Variants in PARP14 observed in about 807,000 individuals in gnomAD.
The protein encoded by PARP14 is poly(ADP-ribose) polymerase family member 14.
A neutral mutation model predicts 154.2 loss-of-function variants in PARP14; 59 were observed. The ratio of observed to expected loss-of-function variants is 0.38; its 90% CI spans 0.31 to 0.48. The LOEUF (loss-of-function observed/expected upper bound fraction) is 0.48, where lower values mean the gene tolerates loss of function less well. PARP14 is among the 20% of genes least tolerant of loss of function. PARP14 has a pLI of 0.98. For missense variants in PARP14, 1,734 were observed against 2,131.6 expected (o/e 0.81, Z 3.67); for synonymous variants, 720 against 780.5 (o/e 0.92, Z 1.29).
At chr3:122,684,355 G>A (rs1266944382) in intron 1 of PARP14, among the ~76,000 whole-genome samples, 1 of 152,190 alleles carries the variant, frequency 6.6e-6, no homozygotes, top group Admixed American at 6.5e-5. Flanking sequence ...GAGATATGCT[G>A]ATTTTCTTCA....
chr3:122,724,235 G>C (rs1933228182), intron 15 of PARP14, among the ~76,000 whole-genome samples: 2 of 152,062 alleles, frequency 1.3e-5, no homozygotes, highest in Non-Finnish European at 2.9e-5. Context: ...CTGCTATTGA[G>C]GTGTTGCTGT....
rs1478310104 is a variant in PARP14 at position 122,708,231 on chromosome 3, C to T, written c.3582C>T (p.Leu1194=). Reference sequence around the variant, plus strand: ...TTGCCAGAAGGGCTAATGGAAATCTCGTCAGTGACAAAATTCCGAAGGCTA... The same window carrying T: ...TTGCCAGAAGGGCTAATGGAAATCTTGTCAGTGACAAAATTCCGAAGGCTA... ...DEFARRANGN[L]VSDKIPKAKD... Residue 1194 remains leucine (L), a synonymous_variant, in exon 9 of 17, where the codon CTC becomes CTT. Transcript: ENST00000474629. 1.7e-5 allele frequency: 26 copies of T among 1,575,362 alleles called. No individual in the cohort carries two copies. Among genetic ancestry groups the T allele is most frequent in the Non-Finnish European group, 2.2e-5 (25 of 1,158,060 alleles).
At chr3:122,720,909 C>T (rs1933150991) in intron 15 of PARP14, 1 of 455,614 alleles carries the variant, frequency 2.2e-6, no homozygotes, top group Non-Finnish European at 4.4e-6. Context: ...GAGTTTGACG[C>T]CAGTCTGGGT....
chr3:122,698,306 T>G (rs1051460900), intron 5 of PARP14, among the ~76,000 whole-genome samples: 4 of 152,250 alleles, frequency 2.6e-5, no homozygotes, highest in Non-Finnish European at 5.9e-5. Context: ...ACCCAAGTTG[T>G]TATTGGAGCA....
In PARP14 at chr3:122,700,671, T is replaced by C. The variant is rs1242184371; in HGVS notation, c.2117T>C (p.Phe706Ser). The change falls in exon 6 of 17, where the codon TTC becomes TCC. Residue 706 changes from phenylalanine (F) to serine (S), a missense_variant. Physicochemically the swap from Phe to Ser is radical, Grantham distance 155. Transcript: ENST00000474629. Reference protein sequence around the residue: ...KIKKVNVQVSFNPENKQKGIL... With the variant: ...KIKKVNVQVSSNPENKQKGIL... ...AAGAAGGTAAATGTGCAGGTAAGTTTCAATCCTGAGAACAAACAAAAAGGC... is the reference window on the plus strand; with the variant it reads ...AAGAAGGTAAATGTGCAGGTAAGTTCCAATCCTGAGAACAAACAAAAAGGC... 1 of 1,609,108 alleles carries C rather than the reference T, an allele frequency of 6.2e-7. No individual in the cohort carries two copies. Among genetic ancestry groups the C allele is most frequent in the Non-Finnish European group, 8.5e-7 (1 of 1,177,492 alleles).
chr3:122,693,514 GT>G (rs1350459039), intron 4 of PARP14, among the ~76,000 whole-genome samples: 1 of 152,120 alleles, frequency 6.6e-6, no homozygotes, highest in Non-Finnish European at 1.5e-5. Context: ...TATAGTTTTT[GT>G]AAAGATTGAA....
intron 9 of PARP14, among the ~76,000 whole-genome samples, chr3:122,709,843 T>C (rs1272522016): frequency 6.6e-6 from 1 of 152,164 alleles, no homozygotes; most frequent in East Asian, 1.9e-4. Context: ...TACCTTCTTT[T>C]GAGAAATGTC....
rs1576589575 is a variant in PARP14, at chr3:122,701,754, A to G, written c.3081+119A>G. On this transcript the variant is annotated intron_variant, in intron 6 of 16. Coordinates refer to ENST00000474629, the MANE Select transcript of PARP14 (RefSeq NM_017554.3). The surrounding 1 kb of genome is among the most constrained non-coding windows in gnomAD (Gnocchi z 4.0). ...GGTGAGAATCAAGGGAGAGAATCCC[A>G]TGCCTTCCACCCCTGCCTTGAAACA... The G allele has an allele frequency of 4.0e-6, 3 of 746,192 alleles. No individual in the cohort carries two copies. In the East Asian group the frequency reaches 8.2e-5, roughly 20 times the overall value. 46.2% of individuals were successfully genotyped at this position (746,192 alleles called of 1,614,324 possible).
rs1938223179 is a variant in PARP14, at chr3:122,681,974, G to A, written c.187+904G>A. Reference sequence around the variant, plus strand: ...CCGCTTTCATGTCGCTAGATTTGGAGAAGCATTCGGGCCAGAGGAGAGGCA... The same window carrying A: ...CCGCTTTCATGTCGCTAGATTTGGAAAAGCATTCGGGCCAGAGGAGAGGCA... On this transcript the variant is annotated intron_variant, in intron 1 of 16. Transcript: ENST00000474629. The surrounding 1 kb of genome is among the most constrained non-coding windows in gnomAD (Gnocchi z 5.5). Among the ~76,000 whole-genome samples, 1 of 152,286 alleles carries A rather than the reference G, an allele frequency of 6.6e-6. No homozygotes were observed. The highest frequency in any genetic ancestry group is 2.4e-5 in the African/African-American group (1 of 41,542).
At chr3:122,716,848 C>G (rs933519759) in intron 12 of PARP14, among the ~76,000 whole-genome samples, 1 of 152,214 alleles carries the variant, frequency 6.6e-6, no homozygotes, top group African/African-American at 2.4e-5. Context: ...TTCCATCTGG[C>G]ATAGCCTTTC....
chr3:122,691,585 G>A (rs1938541115), intron 3 of PARP14, among the ~76,000 whole-genome samples: 1 of 152,136 alleles, frequency 6.6e-6, no homozygotes, highest in South Asian at 2.1e-4. Context: ...ACCCATGTTT[G>A]GGCATCATCA....
intron 4 of PARP14, 54 bp downstream of exon 4, chr3:122,692,597 C>A (rs1434222873): frequency 6.8e-7 from 1 of 1,476,310 alleles, no homozygotes; most frequent in South Asian, 1.3e-5. Context: ...CATCATGAGA[C>A]TTGAGATACC....
At position 122,699,391 on chromosome 3, in the gene PARP14, G is replaced by A. The variant is rs200098118; in HGVS notation, c.837G>A (p.Val279=). Residue 279 remains valine, a splice_region_variant and synonymous_variant, in exon 6 of 17, where the codon GTG becomes GTA. Transcript: ENST00000474629. ...SALIEFFDRK[V]LDTIMATKLD... Reference sequence around the variant, plus strand: ...TTATTTTACTTCTTTCCTTTTAAGTGTTAGACACCATCATGGCCACAAAAC... The same window carrying A: ...TTATTTTACTTCTTTCCTTTTAAGTATTAGACACCATCATGGCCACAAAAC... The A allele has an allele frequency of 1.3e-4, 206 of 1,594,758 alleles. No homozygotes were observed. The highest frequency in any genetic ancestry group is 5.4e-4 in the Admixed American group (31 of 57,796).
Position 122,700,761 on chromosome 3 carries a change from AT to A in PARP14, c.2209del (p.Ser737GlnfsTer44). 1.2e-6 allele frequency: 2 copies of A among 1,613,576 alleles called. No individual in the cohort carries two copies. Among genetic ancestry groups the A allele is most frequent in the Non-Finnish European group, 1.7e-6 (2 of 1,179,694 alleles). ...KAVDIVKQVWDSVCVKSVHTD... is the reference protein window; with the variant it reads ...KAVDIVKQVWXSVCVKSVHTD... The stretch of plus-strand genomic sequence containing the variant: ...GTGGACATTGTCAAGCAAGTCTGGG[AT>A]TCAGTCTGTGTTAAAAGTGTCCATA... On this transcript the variant is annotated frameshift_variant, in exon 6 of 17. Coordinates refer to ENST00000474629, the MANE Select transcript of PARP14 (RefSeq NM_017554.3). LOFTEE classifies it high-confidence loss of function.
chr3:122,701,725 C>T lies in PARP14; in HGVS notation c.3081+90C>T, dbSNP rs1938986224. On this transcript the variant is annotated intron_variant, in intron 6 of 16. Transcript: ENST00000474629. This position sits in a 1 kb window ranked among gnomAD's most constrained non-coding sequence, Gnocchi z 4.0. The stretch of plus-strand genomic sequence containing the variant: ...ATGGAGGGCTGAAGAAAGATAAGGA[C>T]CAAGGTGAGAATCAAGGGAGAGAAT... The T allele has an allele frequency of 8.4e-6, 8 of 952,810 alleles. No homozygotes were observed. Among genetic ancestry groups the T allele is most frequent in the South Asian group, 1.8e-5 (1 of 56,200 alleles). The allele number at this position is 952,810 out of a possible 1,614,324, so 59.0% of individuals were successfully genotyped here.
At chr3:122,720,655 T>A (rs969834665) in intron 15 of PARP14, 1 of 499,260 alleles carries the variant, frequency 2.0e-6, no homozygotes, top group Non-Finnish European at 3.7e-6. Flanking sequence ...CTAATACAAA[T>A]TCAAAGATAT....
In PARP14 at chr3:122,680,842, G is replaced by A. The variant is rs746287606; in HGVS notation, c.-42G>A. On this transcript the variant is annotated 5_prime_UTR_variant, in exon 1 of 17. Transcript: ENST00000474629. ...AAAGAGTCAAAGTTAGCGGCCCGGA[G>A]TTGGCGCGGCCCCTGCAGTCCGGCG... is the stretch of plus-strand genomic sequence containing the variant. The A allele has an allele frequency of 1.3e-6, 2 of 1,510,228 alleles. No homozygotes were observed. The highest frequency in any genetic ancestry group is 1.8e-6 in the Non-Finnish European group (2 of 1,105,300). The allele number at this position is 1,510,228 out of a possible 1,614,324, so 93.6% of individuals were successfully genotyped here. A position where few individuals can be genotyped will look rare whatever the true frequency, so the allele number is the denominator to read the frequency against.
At position 122,727,846 on chromosome 3, in the gene PARP14, G is replaced by C; in HGVS notation, c.4976G>C (p.Ser1659Thr). 1 of 1,612,226 alleles carries C rather than the reference G, an allele frequency of 6.2e-7. No individual in the cohort carries two copies. The highest frequency in any genetic ancestry group is 2.2e-5 in the East Asian group (1 of 44,852). The change falls in exon 16 of 17, where the codon AGC (serine) becomes ACC (threonine). Residue 1659 changes from serine (S) to threonine (T), a missense_variant. Ser to Thr is a moderately conservative substitution (Grantham distance 58). Transcript: ENST00000474629. ...ERIQNPDLWN[S>T]YQAKKKTMDA... is the part of the protein sequence containing the mutation. ...ATCCAGAATCCAGATCTCTGGAATA[G>C]CTACCAGGCAAAGAAAAAAACTATG...
At chr3:122,683,241 G>A (rs543030347) in intron 1 of PARP14, 44 of 956,900 alleles carry the variant, frequency 4.6e-5, no homozygotes, top group African/African-American at 5.3e-5. Context: ...TGAAGTCCCA[G>A]AAGTGCATTC....
Sources: gnomAD v4.1 joint callset for allele counts (sites outside exome capture counted in the v4.1 genomes callset) on GRCh38, gnomAD v4.1.1 for gene constraint, Gnocchi (gnomAD v3.1) non-coding constraint, MANE v1.5 for transcripts, NCBI Gene and HGNC (gene_info 2026-07-23, HGNC 2026-07-21) for gene names.